Variants in LIN28B observed in about 807,000 individuals in gnomAD.
LIN28B encodes the protein lin-28 RNA binding posttranscriptional regulator B.
Under a neutral mutation model 21.9 loss-of-function variants are expected in LIN28B, and 5 were observed. The observed-to-expected ratio is 0.23, with a 90% confidence interval of 0.12 to 0.48. The LOEUF (loss-of-function observed/expected upper bound fraction) is 0.48, where lower values mean the gene tolerates loss of function less well. LIN28B is among the 20% of genes least tolerant of loss of function. The pLI, the probability that LIN28B is intolerant of heterozygous loss-of-function variation, is 0.98. For missense variants in LIN28B, 245 were observed against 310.5 expected, an observed-to-expected ratio of 0.79 and a Z score of 1.58; for synonymous variants, 109 against 111.3, an observed-to-expected ratio of 0.98 and a Z score of 0.13.
chr6:105,047,499 G>A (rs1771794982), intron 3 of LIN28B, among the ~76,000 whole-genome samples: 2 of 152,148 alleles, frequency 1.3e-5, no homozygotes, highest in African/African-American at 2.4e-5. Flanking sequence ...TTGGCAATGA[G>A]GGCCCTTTTT....
Position 104,967,529 on chromosome 6 carries a change from C to T in LIN28B, c.198+9243C>T, listed in dbSNP as rs539001934. 2.1e-3 allele frequency among the ~76,000 whole-genome samples: 303 copies of T among 141,338 alleles called. 1 individual carries two copies. The highest frequency in any genetic ancestry group is 7.7e-3 in the African/African-American group (291 of 37,800). The allele number at this position is 141,338 out of a possible 152,430, so 92.7% of individuals were successfully genotyped here. A position where few individuals can be genotyped will look rare whatever the true frequency, so the allele number is the denominator to read the frequency against. On this transcript the variant is annotated intron_variant, in intron 2 of 3. Transcript: ENST00000345080. ...CCGGGAGGTGGAGGTTGCAGAGAAC[C>T]GAGATCATGCCATTGCACTCCAGGC...
chr6:105,052,962 T>G (rs1771937639), intron 3 of LIN28B, among the ~76,000 whole-genome samples: 1 of 152,068 alleles, frequency 6.6e-6, no homozygotes, highest in Non-Finnish European at 1.5e-5. Context: ...AGGTAAAAAC[T>G]TAGACCATTG....
chr6:105,043,792 G>C (rs143753925), intron 3 of LIN28B, among the ~76,000 whole-genome samples: 3,190 of 152,122 alleles, frequency 0.021, 50 homozygotes, highest in Non-Finnish European at 0.035. Flanking sequence ...GCCTAGGCTA[G>C]TCGGGTTTCA....
chr6:104,989,584 T>G (rs1770418057), intron 2 of LIN28B, among the ~76,000 whole-genome samples: 2 of 130,306 alleles, frequency 1.5e-5, no homozygotes, highest in African/African-American at 3.0e-5. Context: ...GGGTTTTTTT[T>G]TTTTTTTTTT....
At chr6:105,052,861 A>G (rs975306372) in intron 3 of LIN28B, among the ~76,000 whole-genome samples, 2 of 151,680 alleles carry the variant, frequency 1.3e-5, no homozygotes, top group African/African-American at 2.4e-5. Flanking sequence ...TAATTTTTTT[A>G]TATTGTTTTC....
intron 2 of LIN28B, among the ~76,000 whole-genome samples, chr6:105,018,908 C>A (rs926739872): frequency 6.6e-6 from 1 of 151,548 alleles, no homozygotes; most frequent in Non-Finnish European, 1.5e-5. Flanking sequence ...TATAAAATTT[C>A]TTTTGTTCTC....
chr6:104,958,011 AC>A (rs1468304986), intron 1 of LIN28B, 87 bp from the exon 2 acceptor site: 2 of 1,001,056 alleles, frequency 2.0e-6, no homozygotes, highest in Non-Finnish European at 2.7e-6. Context: ...TTCCCCCCCA[AC>A]CCCAGGCAGG....
At chr6:105,022,018 G>A (rs149002540) in intron 2 of LIN28B, among the ~76,000 whole-genome samples, 19 of 152,244 alleles carry the variant, frequency 1.2e-4, no homozygotes, top group African/African-American at 3.4e-4. Flanking sequence ...GGGAAATGAA[G>A]TGGAAAATGT....
chr6:104,953,843 CCCT>C (rs1162337065), upstream of LIN28B, among the ~76,000 whole-genome samples: 9 of 152,144 alleles, frequency 5.9e-5, no homozygotes, highest in Admixed American at 5.2e-4. Context: ...TTGCCACAGC[CCCT>C]CCTCCTAGTT....
intron 2 of LIN28B, among the ~76,000 whole-genome samples, chr6:104,977,049 G>A (rs1376315939): frequency 6.7e-6 from 1 of 150,330 alleles, no homozygotes; most frequent in African/African-American, 2.4e-5. Flanking sequence ...TTTTTTTTGA[G>A]GCAGGGTCTT....
upstream of LIN28B, among the ~76,000 whole-genome samples, chr6:104,955,179 T>A (rs1778270125): frequency 6.6e-6 from 1 of 152,258 alleles, no homozygotes; most frequent in African/African-American, 2.4e-5. Context: ...GAGATTACTT[T>A]CTTGTCAGTG....
At chr6:104,946,755 C>T (rs545373902) in intron 2 of LIN28B, among the ~76,000 whole-genome samples, 1 of 152,172 alleles carries the variant, frequency 6.6e-6, no homozygotes, top group Admixed American at 6.5e-5. Context: ...TGATAGTTGA[C>T]ACATACTATA....
Position 105,059,840 on chromosome 6 carries a change from T to A in LIN28B, c.384-18574T>A, listed in dbSNP as rs114241292. On this transcript the variant is annotated intron_variant, in intron 3 of 3. Coordinates refer to ENST00000345080, the MANE Select transcript of LIN28B (RefSeq NM_001004317.4). Reference sequence around the variant, plus strand: ...GCCCTTTAGTACTAAATATTCTTTTTTCATCCTTACATTCCAGCATCTTAC... The same window carrying A: ...GCCCTTTAGTACTAAATATTCTTTTATCATCCTTACATTCCAGCATCTTAC... Among the ~76,000 whole-genome samples, 1,261 of 152,316 alleles carry A rather than the reference T, an allele frequency of 8.3e-3. 18 individuals carry two copies. Among genetic ancestry groups the A allele is most frequent in the African/African-American group, 0.029 (1,197 of 41,566 alleles).
At chr6:104,967,047 C>T (rs1769877114) in intron 2 of LIN28B, among the ~76,000 whole-genome samples, 1 of 151,896 alleles carries the variant, frequency 6.6e-6, no homozygotes. Flanking sequence ...GATTTACAGG[C>T]GTGAATCACC....
chr6:105,022,027 G>A (rs1014843846), intron 2 of LIN28B, among the ~76,000 whole-genome samples: 1 of 152,110 alleles, frequency 6.6e-6, no homozygotes, highest in Non-Finnish European at 1.5e-5. Context: ...AGTGGAAAAT[G>A]TAAGTAAGGT....
intron 2 of LIN28B, among the ~76,000 whole-genome samples, chr6:104,977,314 T>G (rs945184206): frequency 1.3e-5 from 2 of 152,226 alleles, no homozygotes; most frequent in African/African-American, 2.4e-5. Context: ...ACATTCACTT[T>G]TGGAAATCAT....
In LIN28B at chr6:105,055,892, T is replaced by A. The variant is rs911628410; in HGVS notation, c.384-22522T>A. Among the ~76,000 whole-genome samples the A allele has an allele frequency of 2.2e-4, 33 of 148,642 alleles. 1 individual carries two copies. The highest frequency in any genetic ancestry group is 3.0e-5 in the Non-Finnish European group (2 of 67,536). ...AAGCAGTCCTCCCATCTCAGCCTCC[T>A]GAGTATGTGCACGCCACCATGCCTG... On this transcript the variant is annotated intron_variant, in intron 3 of 3. Coordinates refer to ENST00000345080, the MANE Select transcript of LIN28B (RefSeq NM_001004317.4).
chr6:105,022,140 A>T (rs1771154463), intron 2 of LIN28B, among the ~76,000 whole-genome samples: 1 of 151,706 alleles, frequency 6.6e-6, no homozygotes. Flanking sequence ...TAACAGGCTA[A>T]GATTTATTGA....
chr6:104,960,664 A>T (rs1453315427), intron 2 of LIN28B, among the ~76,000 whole-genome samples: 1 of 152,058 alleles, frequency 6.6e-6, no homozygotes, highest in African/African-American at 2.4e-5. Flanking sequence ...TTGGAGAAAT[A>T]AAAAACAAAT....
Sources: allele counts gnomAD v4.1 joint callset (sites outside exome capture counted in the v4.1 genomes callset), GRCh38; gene constraint gnomAD v4.1.1; transcripts MANE v1.5; gene names NCBI Gene and HGNC (gene_info 2026-07-23, HGNC 2026-07-21).